Variants in CCDC81 observed in about 807,000 individuals in gnomAD.
CCDC81 encodes the protein coiled-coil domain containing 81, also known as coiled-coil domain-containing protein 81.
Under a neutral mutation model 83.7 loss-of-function variants are expected in CCDC81, and 79 were observed. That is an observed-to-expected ratio of 0.94 (90% CI 0.79 to 1.14). The LOEUF (loss-of-function observed/expected upper bound fraction) is 1.14, where lower values mean the gene tolerates loss of function less well. CCDC81 is among the 50% of genes most tolerant of loss of function. The pLI, the probability that CCDC81 is intolerant of heterozygous loss-of-function variation, is 0.00. For missense variants in CCDC81, 791 were observed against 778.1 expected (o/e 1.02, Z -0.20); for synonymous variants, 252 against 278.1 (o/e 0.91, Z 0.93).
intron 8 of CCDC81, 42 bp downstream of exon 8, chr11:86,407,743 A>G: frequency 6.9e-7 from 1 of 1,448,358 alleles, no homozygotes. Context: ...AGAATCTTAT[A>G]CTGATTTTTG....
intron 14 of CCDC81, 100 bp downstream of exon 14, chr11:86,420,153 C>G (rs981427093): frequency 1.4e-6 from 2 of 1,392,668 alleles, no homozygotes; most frequent in East Asian, 2.3e-5. Context: ...GCCTAGAGAA[C>G]CTTGTGGAGA....
chr11:86,399,743 C>A (rs1444823828), intron 6 of CCDC81, among the ~76,000 whole-genome samples: 1 of 152,020 alleles, frequency 6.6e-6, no homozygotes, highest in African/African-American at 2.4e-5. Context: ...CTTTTAGTAC[C>A]CTTTTCACAT....
rs984601404 is a variant in CCDC81 at position 86,407,359 on chromosome 11, T to G, written c.882-255T>G. The stretch of plus-strand genomic sequence containing the variant: ...TTTCATCCCCATTTCACATGACTGG[T>G]AACTGGGACTTTGCAAGATTACACA... On this transcript the variant is annotated intron_variant, in intron 7 of 14. Coordinates refer to ENST00000445632, the MANE Select transcript of CCDC81 (RefSeq NM_001156474.2). Among the ~76,000 whole-genome samples, 9 of 152,298 alleles carry G rather than the reference T, an allele frequency of 5.9e-5. 1 individual carries two copies. In the South Asian group the frequency reaches 1.7e-3, roughly 28 times the overall value.
At position 86,387,501 on chromosome 11, in the gene CCDC81, G is replaced by GT. The variant is rs748713952; in HGVS notation, c.142-9dup. 6.2e-7 allele frequency: 1 copy of GT among 1,611,770 alleles called. No individual in the cohort carries two copies. Among genetic ancestry groups the GT allele is most frequent in the Non-Finnish European group, 8.5e-7 (1 of 1,179,234 alleles). On this transcript the variant is annotated splice_polypyrimidine_tract_variant and intron_variant, in intron 2 of 14. Coordinates refer to ENST00000445632, the MANE Select transcript of CCDC81 (RefSeq NM_001156474.2). ...CCTTCAATGAATTCTGTTTTGTTTT[G>GT]TTTTTTCCTTTCAGGGGGTTCAGAT...
At chr11:86,400,869 G>A (rs377452715) in intron 7 of CCDC81, 68 bp downstream of exon 7, 95 of 1,447,366 alleles carry the variant, frequency 6.6e-5, no homozygotes, top group Admixed American at 1.3e-4. Context: ...TGCTTGATGC[G>A]GGGAACTGTA....
At chr11:86,378,434 G>A (rs1948128372) in intron 1 of CCDC81, among the ~76,000 whole-genome samples, 1 of 152,136 alleles carries the variant, frequency 6.6e-6, no homozygotes, top group Non-Finnish European at 1.5e-5. Context: ...TGAGAAGAAT[G>A]TGCATTCTAC....
chr11:86,394,918 G>A (rs1948382847), intron 4 of CCDC81, among the ~76,000 whole-genome samples: 1 of 152,118 alleles, frequency 6.6e-6, no homozygotes, highest in Non-Finnish European at 1.5e-5. Context: ...AGCAGTGTGG[G>A]GATTTGAACA....
intron 11 of CCDC81, among the ~76,000 whole-genome samples, chr11:86,413,605 C>T (rs1369658495): frequency 6.6e-6 from 1 of 152,128 alleles, no homozygotes; most frequent in Non-Finnish European, 1.5e-5. Context: ...TAGTGATGGT[C>T]AATCTGTAAT....
At chr11:86,378,668 A>G (rs1200849681) in intron 1 of CCDC81, among the ~76,000 whole-genome samples, 1 of 152,212 alleles carries the variant, frequency 6.6e-6, no homozygotes, top group African/African-American at 2.4e-5. Context: ...AGGTGCATAC[A>G]TATTAAAAAT....
intron 1 of CCDC81, among the ~76,000 whole-genome samples, chr11:86,383,371 T>A (rs1400603525): frequency 8.5e-5 from 13 of 152,248 alleles, no homozygotes; most frequent in Non-Finnish European, 1.5e-4. Flanking sequence ...ATATCTGTTT[T>A]TTGACATTAA....
chr11:86,405,690 T>C (rs1191794996), intron 7 of CCDC81, among the ~76,000 whole-genome samples: 1 of 152,232 alleles, frequency 6.6e-6, no homozygotes, highest in African/African-American at 2.4e-5. Context: ...GTTTTAAGTG[T>C]TAAAACATTT....
At chr11:86,402,719 C>G (rs1948509943) in intron 7 of CCDC81, among the ~76,000 whole-genome samples, 1 of 152,164 alleles carries the variant, frequency 6.6e-6, no homozygotes. Flanking sequence ...ATCCTCTCAG[C>G]AACAGTAATA....
Position 86,409,268 on chromosome 11 carries a change from G to T in CCDC81, c.1121G>T (p.Ser374Ile). The T allele has an allele frequency of 2.9e-6, 4 of 1,399,368 alleles. No individual in the cohort carries two copies. The highest frequency in any genetic ancestry group is 3.8e-6 in the Non-Finnish European group (4 of 1,056,082). The allele number at this position is 1,399,368 out of a possible 1,614,324, so 86.7% of individuals were successfully genotyped here. ...QEALFRHQMK[S>I]LATREQNQKN... ...TTTTTTTTTAAACAATAGATGAAAA[G>T]TCTGGCTACTAGAGAACAGAATCAG... The change falls in exon 10 of 15, where the codon AGT (serine) becomes ATT (isoleucine). Residue 374 changes from serine to isoleucine, a missense_variant. Transcript: ENST00000445632.
At chr11:86,393,257 T>G (rs2138511208) in intron 4 of CCDC81, among the ~76,000 whole-genome samples, 1 of 152,280 alleles carries the variant, frequency 6.6e-6, no homozygotes, top group East Asian at 1.9e-4. Context: ...GAGACAAAGT[T>G]TCACCATGTT....
chr11:86,420,631 C>A (rs1303180984), intron 14 of CCDC81, among the ~76,000 whole-genome samples: 2 of 152,128 alleles, frequency 1.3e-5, no homozygotes, highest in African/African-American at 2.4e-5. Flanking sequence ...CAGATCAAGT[C>A]TATACAATCA....
At chr11:86,411,774 TTTTG>T (rs1948644689) in intron 10 of CCDC81, among the ~76,000 whole-genome samples, 1 of 152,196 alleles carries the variant, frequency 6.6e-6, no homozygotes, top group Non-Finnish European at 1.5e-5. Flanking sequence ...CAGGTTTTGT[TTTTG>T]TTTTTGTTTT....
At chr11:86,408,386 G>A in intron 9 of CCDC81, 116 bp downstream of exon 9, 3 of 985,118 alleles carry the variant, frequency 3.0e-6, no homozygotes, top group Non-Finnish European at 4.2e-6. Flanking sequence ...AGGTTGGAAT[G>A]CAGTGGCACA....
intron 14 of CCDC81, among the ~76,000 whole-genome samples, chr11:86,421,231 G>C (rs777970396): frequency 5.3e-5 from 8 of 152,158 alleles, no homozygotes; most frequent in Non-Finnish European, 8.8e-5. Context: ...ATGATACTCT[G>C]TTCCATTACC....
At position 86,415,280 on chromosome 11, in the gene CCDC81, G is replaced by C; in HGVS notation, c.1658G>C (p.Arg553Pro). Residue 553 changes from arginine (R) to proline (P), a missense_variant, in exon 13 of 15, where the codon CGG (arginine) becomes CCG (proline). Transcript: ENST00000445632. ...AILHQLVDQR[R>P]DLQMLQRTQR... is the part of the protein sequence containing the mutation. Reference sequence around the variant, plus strand: ...CTGCATCAACTAGTGGACCAGAGGCGGGATTTGCAAATGCTTCAGAGGACA... The same window carrying C: ...CTGCATCAACTAGTGGACCAGAGGCCGGATTTGCAAATGCTTCAGAGGACA... 1.2e-6 allele frequency: 2 copies of C among 1,614,022 alleles called. No homozygotes were observed. Among genetic ancestry groups the C allele is most frequent in the Non-Finnish European group, 1.7e-6 (2 of 1,179,958 alleles).
Sources: gnomAD v4.1 joint callset for allele counts (sites outside exome capture counted in the v4.1 genomes callset) on GRCh38, gnomAD v4.1.1 for gene constraint, MANE v1.5 for transcripts, NCBI Gene and HGNC (gene_info 2026-07-23, HGNC 2026-07-21) for gene names.